Variants in CLUH observed in about 807,000 individuals in gnomAD.
CLUH encodes clustered mitochondria protein homolog.
A neutral mutation model predicts 139.3 loss-of-function variants in CLUH; 77 were observed. The observed-to-expected ratio is 0.55, with a 90% confidence interval of 0.46 to 0.67. The LOEUF (loss-of-function observed/expected upper bound fraction) is 0.67, where lower values mean the gene tolerates loss of function less well. CLUH is among the 30% of genes least tolerant of loss of function. CLUH has a pLI of 0.00. For missense variants in CLUH, 1,876 were observed against 1,875.8 expected, an observed-to-expected ratio of 1.00 and a Z score of 0.00; for synonymous variants, 999 against 801.6, an observed-to-expected ratio of 1.25 and a Z score of -4.16.
chr17:2,692,772 C>G lies in CLUH; in HGVS notation c.3312+8G>C. ...CATCCCCCGGCGCGGGCGGCACTCG[C>G]GACTCACGTATTCCTGGATGGTGTT... On this transcript the variant is annotated splice_region_variant and intron_variant, in intron 20 of 25. Transcript: ENST00000651024. The G allele has an allele frequency of 6.2e-7, 1 of 1,600,058 alleles. No individual in the cohort carries two copies. The highest frequency in any genetic ancestry group is 8.5e-7 in the Non-Finnish European group (1 of 1,170,708).
Position 2,692,014 on chromosome 17 carries a change from T to C in CLUH, c.3644A>G (p.Tyr1215Cys), listed in dbSNP as rs867860726. The C allele has an allele frequency of 1.6e-5, 24 of 1,538,784 alleles. No homozygotes were observed. In the Middle Eastern group the frequency reaches 3.1e-3, roughly 202 times the overall value. Residue 1215 changes from tyrosine (Y) to cysteine (C), a missense_variant, in exon 23 of 26, where the codon TAC becomes TGC. Physicochemically the swap from Tyr to Cys is radical, Grantham distance 194. Transcript: ENST00000651024. ...LQHEKEGYTI[Y>C]KTQLGEDHEK... ...GCCCCCGCCGCGCACCTGCGTCTTG[T>C]AGATGGTGTAACCCTCCTTCTCGTG...
Position 2,694,987 on chromosome 17 carries a change from G to A in CLUH, c.2722C>T (p.Arg908Trp), listed in dbSNP as rs1050896519. Residue 908 changes from arginine (R) to tryptophan (W), a missense_variant, in exon 16 of 26, where the codon CGG becomes TGG. Arg to Trp is a moderately radical substitution (Grantham distance 101). Transcript: ENST00000651024. ...GGCCGGTTTTTCCTCCTCTTATTCC[G>A]CTTCTTGGAGACCAGCTCGTCGGCG... is the stretch of plus-strand genomic sequence containing the variant. ...LPADELVSKK[R>W]NKRRKNRPPG... 2.5e-6 allele frequency: 4 copies of A among 1,613,438 alleles called. No homozygotes were observed. The highest frequency in any genetic ancestry group is 3.4e-6 in the Non-Finnish European group (4 of 1,179,782).
In CLUH at chr17:2,696,726, G is replaced by A. The variant is rs777843152; in HGVS notation, c.2178C>T (p.Asp726=). The A allele has an allele frequency of 2.0e-5, 33 of 1,611,762 alleles. No individual in the cohort carries two copies. Among genetic ancestry groups the A allele is most frequent in the African/African-American group, 8.0e-5 (6 of 74,912 alleles). The change falls in exon 11 of 26, where the codon GAC becomes GAT. Residue 726 remains aspartate, a synonymous_variant. Coordinates refer to ENST00000651024, the MANE Select transcript of CLUH (RefSeq NM_001366661.1). ...CATCTGCAGCAGCCCCACCTGTGCCGTCGTCTGCGGCGATGGTCTCTGCCA... is the reference window on the plus strand; with the variant it reads ...CATCTGCAGCAGCCCCACCTGTGCCATCGTCTGCGGCGATGGTCTCTGCCA... ...KELAETIAAD[D]GTADPRSREV... is the part of the protein sequence containing the mutation.
At chr17:2,695,319 G>C in intron 14 of CLUH, 39 bp from the exon 15 acceptor site, 3 of 1,613,360 alleles carry the variant, frequency 1.9e-6, no homozygotes, top group South Asian at 2.2e-5. Flanking sequence ...TCAGGCCCCC[G>C]GCCTCCATCC....
At position 2,692,346 on chromosome 17, in the gene CLUH, C is replaced by G; in HGVS notation, c.3560+15G>C. The stretch of plus-strand genomic sequence containing the variant: ...GCCTCCGCCGGCCTTGGCGTTTGGA[C>G]GGGCGGCCCCTCACCTGAGGGCCAC... On this transcript the variant is annotated intron_variant, in intron 22 of 25. Coordinates refer to ENST00000651024, the MANE Select transcript of CLUH (RefSeq NM_001366661.1). The G allele has an allele frequency of 6.5e-7, 1 of 1,542,550 alleles. No individual in the cohort carries two copies.
At position 2,697,961 on chromosome 17, in the gene CLUH, G is replaced by A; in HGVS notation, c.1896C>T (p.Pro632=). ...LPEECARAGF[P]RAHRHKLCCL... is the part of the protein sequence containing the mutation. The stretch of plus-strand genomic sequence containing the variant: ...AGCAGAGCTTGTGCCGGTGGGCGCG[G>A]GGGAAGCCGGCGCGGGCGCATTCCT... The change falls in exon 10 of 26, where the codon CCC becomes CCT. Residue 632 remains proline (P), a synonymous_variant. Transcript: ENST00000651024. 2 of 1,571,110 alleles carry A rather than the reference G, an allele frequency of 1.3e-6. No individual in the cohort carries two copies. Among genetic ancestry groups the A allele is most frequent in the South Asian group, 1.2e-5 (1 of 86,500 alleles).
rs747922501 is a variant in CLUH, at chr17:2,694,054, C to T, written c.3092-15G>A. On this transcript the variant is annotated splice_polypyrimidine_tract_variant and intron_variant, in intron 18 of 25. Coordinates refer to ENST00000651024, the MANE Select transcript of CLUH (RefSeq NM_001366661.1). ...CTTCAGGAAGCCTGCAGGGCACCCC[C>T]AGGGGTGGCAAGGTCAGGACGGGCC... The T allele has an allele frequency of 6.2e-7, 1 of 1,613,914 alleles. No individual in the cohort carries two copies. The highest frequency in any genetic ancestry group is 1.1e-5 in the South Asian group (1 of 91,080).
In CLUH at chr17:2,694,225, C is replaced by T. The variant is rs918414187; in HGVS notation, c.2989G>A (p.Glu997Lys). ...GGGAAGATGTTGAGCACGTCCTCCT[C>T]GGTGAACGCGGGCTTGTGGCGACTG... ...FDSRHKPAFT[E>K]EDVLNIFPVV... The change falls in exon 18 of 26, where the codon GAG (glutamate) becomes AAG (lysine). Residue 997 changes from glutamate to lysine, a missense_variant. Physicochemically the swap from Glu to Lys is moderately conservative, Grantham distance 56. Transcript: ENST00000651024. 1.5e-5 allele frequency: 24 copies of T among 1,612,110 alleles called. No homozygotes were observed. Among genetic ancestry groups the T allele is most frequent in the South Asian group, 3.3e-5 (3 of 90,732 alleles).
chr17:2,695,875 T>C, intron 13 of CLUH: 1 of 575,246 alleles, frequency 1.7e-6, no homozygotes, highest in Non-Finnish European at 3.1e-6. Context: ...AGGAGGAGGA[T>C]GGGCAGCCCC....
chr17:2,701,551 G>A, intron 5 of CLUH, 31 bp from the exon 6 acceptor site: 2 of 1,613,110 alleles, frequency 1.2e-6, no homozygotes, highest in Non-Finnish European at 1.7e-6. Context: ...GAGGGGCCAG[G>A]CCTCTGGTGT....
chr17:2,708,681 C>G (rs988890956), intron 1 of CLUH, among the ~76,000 whole-genome samples: 1 of 152,078 alleles, frequency 6.6e-6, no homozygotes, highest in Non-Finnish European at 1.5e-5. Context: ...TGAGTCACTC[C>G]CACTGAGCGC....
At position 2,703,360 on chromosome 17, in the gene CLUH, C is replaced by T. The variant is rs371781621; in HGVS notation, c.433G>A (p.Val145Ile). The stretch of plus-strand genomic sequence containing the variant: ...ACAGAGCCCTCCTGCAGCCCCTCGA[C>T]GCTGCGCAGCTCCGAGAAGTGGTCC... Reference protein sequence around the residue: ...VLDHFSELRSVEGLQEGSVLR... With the variant: ...VLDHFSELRSIEGLQEGSVLR... The change falls in exon 3 of 26, where the codon GTC becomes ATC. Residue 145 changes from valine (V) to isoleucine (I), a missense_variant. Physicochemically the swap from Val to Ile is conservative, Grantham distance 29 (BLOSUM62 3). Around this residue, in one of 3 missense-constraint regions of CLUH, gnomAD observed 270 missense variants for 354.7 expected, o/e 0.76. Transcript: ENST00000651024. This position sits in a 1 kb window ranked among gnomAD's most constrained non-coding sequence, Gnocchi z 4.2. 3.0e-5 allele frequency: 48 copies of T among 1,612,978 alleles called. No individual in the cohort carries two copies. Among genetic ancestry groups the T allele is most frequent in the Non-Finnish European group, 3.6e-5 (43 of 1,179,668 alleles).
rs2070391770 is a variant in CLUH, at chr17:2,707,799, A to G, written c.101-3235T>C. On this transcript the variant is annotated intron_variant, in intron 1 of 25. Coordinates refer to ENST00000651024, the MANE Select transcript of CLUH (RefSeq NM_001366661.1). The surrounding 1 kb of genome is among the most constrained non-coding windows in gnomAD (Gnocchi z 7.4). The stretch of plus-strand genomic sequence containing the variant: ...CTGAGCACCCCACTGTCCCTGGGCC[A>G]AGGGCCTGGCTGGGACCTCTGGCTC... 1.0e-6 allele frequency: 1 copy of G among 985,418 alleles called. No individual in the cohort carries two copies. The highest frequency in any genetic ancestry group is 1.7e-5 in the African/African-American group (1 of 57,362). The allele number at this position is 985,418 out of a possible 1,614,324, so 61.0% of individuals were successfully genotyped here.
chr17:2,695,364 C>A lies in CLUH; in HGVS notation c.2544+10G>T, dbSNP rs1399493315. The A allele has an allele frequency of 6.2e-7, 1 of 1,612,966 alleles. No individual in the cohort carries two copies. ...AGCTCCCGTTCCGCCCCACCCCGGG[C>A]AGCACTCACAAAGACGTGGTCCAGC... On this transcript the variant is annotated intron_variant, in intron 14 of 25. Coordinates refer to ENST00000651024, the MANE Select transcript of CLUH (RefSeq NM_001366661.1).
At chr17:2,692,896 A>G in intron 19 of CLUH, 36 bp from the exon 20 acceptor site, 3 of 1,541,574 alleles carry the variant, frequency 1.9e-6, no homozygotes, top group Non-Finnish European at 2.6e-6. Flanking sequence ...GCGGCGTGGG[A>G]ACCCCCACTG....
At chr17:2,710,709 C>G (rs1282098304) in intron 1 of CLUH, among the ~76,000 whole-genome samples, 2 of 152,078 alleles carry the variant, frequency 1.3e-5, no homozygotes, top group Non-Finnish European at 2.9e-5. Context: ...AAAGCAGGCC[C>G]CACCCGAGAC....
Position 2,711,648 on chromosome 17 carries a change from G to A in CLUH, c.14C>T (p.Thr5Met). MVIK[T>M]DELPAAAPAD... ...CGGGGCGGCCGCCGGCAACTCGTCC[G>A]TCTTGATAACCATGGTGGCGGGAGC... Residue 5 changes from threonine (T) to methionine (M), a missense_variant, in exon 1 of 26, where the codon ACG becomes ATG. This residue lies in a region of CLUH where 152 missense variants were observed against 136.7 expected (regional missense o/e 1.11). Transcript: ENST00000651024. 2.0e-6 allele frequency: 2 copies of A among 984,592 alleles called. No homozygotes were observed. Among genetic ancestry groups the A allele is most frequent in the Non-Finnish European group, 2.4e-6 (2 of 829,558 alleles). The allele number at this position is 984,592 out of a possible 1,614,324, so 61.0% of individuals were successfully genotyped here.
At position 2,694,922 on chromosome 17, in the gene CLUH, G is replaced by T; in HGVS notation, c.2787C>A (p.Thr929=). 6.2e-7 allele frequency: 1 copy of T among 1,606,276 alleles called. No individual in the cohort carries two copies. ...AADNTAWAVM[T]PQELWKNICQ... ...AGATGTTCTTCCAGAGCTCCTGGGG[G>T]GTCATGACAGCCCAGGCTGTGTTAT... Residue 929 remains threonine (T), a synonymous_variant, in exon 16 of 26, where the codon ACC becomes ACA. Transcript: ENST00000651024.
intron 1 of CLUH, among the ~76,000 whole-genome samples, chr17:2,708,773 C>T (rs1169001501): frequency 1.3e-5 from 2 of 151,820 alleles, no homozygotes; most frequent in East Asian, 3.9e-4. Flanking sequence ...TCCCACTCAG[C>T]GCAGCCCACC....
Sources: allele counts gnomAD v4.1 joint callset (sites outside exome capture counted in the v4.1 genomes callset), GRCh38; gene constraint gnomAD v4.1.1; regional missense constraint gnomAD v4.1.1; non-coding constraint Gnocchi (gnomAD v3.1); transcripts MANE v1.5; gene names NCBI Gene and HGNC (gene_info 2026-07-23, HGNC 2026-07-21).